Variants in CDH6 observed in about 807,000 individuals in gnomAD.
CDH6 encodes the protein cadherin-6.
In CDH6, 31 loss-of-function variants were observed where a neutral mutation model predicts 78.0. The observed-to-expected ratio is 0.40, with a 90% CI of 0.30 to 0.54. CDH6 has a LOEUF of 0.54. Ranked by LOEUF, CDH6 falls within the 20% of genes least tolerant of loss-of-function variation. The pLI, the probability that CDH6 is intolerant of heterozygous loss-of-function variation, is 0.56. For synonymous variants in CDH6, 376 were observed against 368.8 expected (o/e 1.02, Z -0.23); for missense variants, 724 against 975.9 (o/e 0.74, Z 3.44).
At position 31,240,025 on chromosome 5, in the gene CDH6, G is replaced by A. The variant is rs1024246610; in HGVS notation, c.-128-27321G>A. Among the ~76,000 whole-genome samples, 11 of 152,210 alleles carry A rather than the reference G, an allele frequency of 7.2e-5. No homozygotes were observed. The South Asian group carries it at 1.9e-3, about 26-fold the overall frequency. On this transcript the variant is annotated intron_variant, in intron 1 of 11. Coordinates refer to ENST00000265071, the MANE Select transcript of CDH6 (RefSeq NM_004932.4). The stretch of plus-strand genomic sequence containing the variant: ...TTTTCTGCAAAAGGGGAAATGAATT[G>A]GACCAGCAGGTCTCAAAGTATGAGC...
intron 1 of CDH6, among the ~76,000 whole-genome samples, chr5:31,230,364 C>T (rs1250721688): frequency 6.6e-6 from 1 of 152,098 alleles, no homozygotes; most frequent in Admixed American, 6.5e-5. Context: ...CAGAGAATAT[C>T]TTTTTTTAAA....
intron 1 of CDH6, among the ~76,000 whole-genome samples, chr5:31,219,550 A>C (rs1260084887): frequency 2.0e-5 from 3 of 152,166 alleles, no homozygotes. Flanking sequence ...TGAATGATGT[A>C]AATGAGGCAG....
At chr5:31,300,738 G>A (rs1047558236) in intron 5 of CDH6, among the ~76,000 whole-genome samples, 19 of 152,200 alleles carry the variant, frequency 1.2e-4, no homozygotes, top group Admixed American at 2.0e-4. Flanking sequence ...TAGATAGCCT[G>A]TGACTTGTTA....
intron 11 of CDH6, among the ~76,000 whole-genome samples, chr5:31,321,613 T>A (rs1738480186): frequency 6.6e-6 from 1 of 152,158 alleles, no homozygotes; most frequent in Non-Finnish European, 1.5e-5. Context: ...ATTATTATTA[T>A]TAATACTAAT....
rs371045409 is a variant in CDH6 at position 31,238,967 on chromosome 5, T to G, written c.-128-28379T>G. ...AAAGTAACACACTTAAGTAGTCAAATGCCCAAATACAATTTTGACCAATGG... is the reference window on the plus strand; with the variant it reads ...AAAGTAACACACTTAAGTAGTCAAAGGCCCAAATACAATTTTGACCAATGG... On this transcript the variant is annotated intron_variant, in intron 1 of 11. Coordinates refer to ENST00000265071, the MANE Select transcript of CDH6 (RefSeq NM_004932.4). Among the ~76,000 whole-genome samples, 7 of 152,232 alleles carry G rather than the reference T, an allele frequency of 4.6e-5. No individual in the cohort carries two copies. In the East Asian group the frequency reaches 1.3e-3, roughly 29 times the overall value.
At chr5:31,243,783 C>T (rs1267678442) in intron 1 of CDH6, among the ~76,000 whole-genome samples, 3 of 152,188 alleles carry the variant, frequency 2.0e-5, no homozygotes, top group Non-Finnish European at 2.9e-5. Flanking sequence ...GTCCCTGCTA[C>T]TTTCTTTAAA....
At chr5:31,193,923 CT>C (rs879061067) in intron 1 of CDH6, 37 bp downstream of exon 1, 1,530 of 144,764 alleles carry the variant, frequency 0.011, 16 homozygotes, top group African/African-American at 0.026. Context: ...ATACATCTCC[CT>C]TTTTTTTTTT....
At chr5:31,243,960 G>T (rs972349302) in intron 1 of CDH6, among the ~76,000 whole-genome samples, 3 of 152,146 alleles carry the variant, frequency 2.0e-5, no homozygotes, top group African/African-American at 4.8e-5. Flanking sequence ...CAGTTTTAAA[G>T]TTCATTTGTT....
chr5:31,230,939 C>G (rs1224634005), intron 1 of CDH6, among the ~76,000 whole-genome samples: 1 of 152,156 alleles, frequency 6.6e-6, no homozygotes, highest in African/African-American at 2.4e-5. Flanking sequence ...CGAACAAACT[C>G]TTTAAAATGT....
At chr5:31,216,811 G>A (rs947764386) in intron 1 of CDH6, among the ~76,000 whole-genome samples, 11 of 151,992 alleles carry the variant, frequency 7.2e-5, no homozygotes, top group Admixed American at 1.3e-4. Flanking sequence ...TGACTAGCCC[G>A]CAAATGCCAA....
In CDH6 at chr5:31,233,977, G is replaced by C. The variant is rs574386540; in HGVS notation, c.-128-33369G>C. On this transcript the variant is annotated intron_variant, in intron 1 of 11. Transcript: ENST00000265071. ...AAAAGATAATTCTCAGTGAATGATTGAATTATTACATGTTCCATTCTGATG... is the reference window on the plus strand; with the variant it reads ...AAAAGATAATTCTCAGTGAATGATTCAATTATTACATGTTCCATTCTGATG... Among the ~76,000 whole-genome samples the C allele has an allele frequency of 3.3e-5, 5 of 152,304 alleles. No homozygotes were observed. The South Asian group carries it at 1.0e-3, about 32-fold the overall frequency.
chr5:31,233,208 A>G (rs1180404280), intron 1 of CDH6, among the ~76,000 whole-genome samples: 1 of 152,152 alleles, frequency 6.6e-6, no homozygotes, highest in Non-Finnish European at 1.5e-5. Flanking sequence ...AGTATATATT[A>G]TAAGGAGCAT....
At chr5:31,256,781 A>G (rs1009011368) in intron 1 of CDH6, among the ~76,000 whole-genome samples, 2 of 152,212 alleles carry the variant, frequency 1.3e-5, no homozygotes, top group Non-Finnish European at 2.9e-5. Flanking sequence ...CTCATAGCTA[A>G]TAAGTATTGA....
chr5:31,282,897 G>T (rs1003322979), intron 2 of CDH6, among the ~76,000 whole-genome samples: 4 of 151,634 alleles, frequency 2.6e-5, no homozygotes, highest in African/African-American at 9.7e-5. Context: ...ATTGAATTGA[G>T]TAGGGTTATA....
intron 1 of CDH6, among the ~76,000 whole-genome samples, chr5:31,242,711 C>T (rs552908859): frequency 1.4e-3 from 183 of 134,580 alleles, no homozygotes; most frequent in African/African-American, 4.8e-3. Flanking sequence ...TGGGGGGGGG[C>T]GGTTAGAAGA....
At position 31,251,833 on chromosome 5, in the gene CDH6, T is replaced by A. The variant is rs1253446088; in HGVS notation, c.-128-15513T>A. Reference sequence around the variant, plus strand: ...ACCCATCAAGCTGCCCTTTTTATTATAAATAAATGTCAAGTTTAAATAAAT... The same window carrying A: ...ACCCATCAAGCTGCCCTTTTTATTAAAAATAAATGTCAAGTTTAAATAAAT... On this transcript the variant is annotated intron_variant, in intron 1 of 11. Transcript: ENST00000265071. 3 of 152,356 alleles carry A rather than the reference T, an allele frequency of 2.0e-5. No individual in the cohort carries two copies. In the East Asian group the frequency reaches 5.8e-4, roughly 29 times the overall value. The allele number at this position is 152,356 out of a possible 1,614,324, so 9.4% of individuals were successfully genotyped here. A position where few individuals can be genotyped will look rare whatever the true frequency, so the allele number is the denominator to read the frequency against.
intron 2 of CDH6, among the ~76,000 whole-genome samples, chr5:31,275,603 A>G (rs1742669118): frequency 1.3e-5 from 2 of 152,166 alleles, no homozygotes; most frequent in African/African-American, 2.4e-5. Context: ...CCAGTCTACC[A>G]CTGATGGGCA....
rs115030608 is a variant in CDH6 at position 31,210,783 on chromosome 5, G to A, written c.-129+16897G>A. The stretch of plus-strand genomic sequence containing the variant: ...TAAATAGTTGTTTTACTGTATTTTT[G>A]TACTTGTATTATTTTGTATTGTTAT... On this transcript the variant is annotated intron_variant, in intron 1 of 11. Coordinates refer to ENST00000265071, the MANE Select transcript of CDH6 (RefSeq NM_004932.4). Among the ~76,000 whole-genome samples, 281 of 152,018 alleles carry A rather than the reference G, an allele frequency of 1.8e-3. 2 individuals carry two copies. The highest frequency in any genetic ancestry group is 3.1e-3 in the Non-Finnish European group (208 of 67,944).
chr5:31,258,630 G>A (rs551132120), intron 1 of CDH6, among the ~76,000 whole-genome samples: 55 of 151,552 alleles, frequency 3.6e-4, no homozygotes, highest in Non-Finnish European at 5.7e-4. Context: ...AGAACTTAAA[G>A]TATAATTTAA....
Sources: gnomAD v4.1 joint callset for allele counts (sites outside exome capture counted in the v4.1 genomes callset) on GRCh38, gnomAD v4.1.1 for gene constraint, MANE v1.5 for transcripts, NCBI Gene and HGNC (gene_info 2026-07-23, HGNC 2026-07-21) for gene names.